Variants in KCNJ16 observed in about 807,000 individuals in gnomAD.
KCNJ16 encodes potassium inwardly rectifying channel subfamily J member 16.
A neutral mutation model predicts 18.5 loss-of-function variants in KCNJ16; 15 were observed. The observed-to-expected ratio is 0.81, with a 90% confidence interval of 0.54 to 1.25. The LOEUF (loss-of-function observed/expected upper bound fraction) is 1.25. Ranked by LOEUF, KCNJ16 falls within the 50% of genes most tolerant of loss-of-function variation. KCNJ16 has a pLI of 0.00. For missense variants in KCNJ16, 523 were observed against 525.7 expected (o/e 0.99, Z 0.05); for synonymous variants, 174 against 186.5 (o/e 0.93, Z 0.55).
At chr17:70,095,140 G>A (rs1187737785) in intron 1 of KCNJ16, among the ~76,000 whole-genome samples, 1 of 152,166 alleles carries the variant, frequency 6.6e-6, no homozygotes, top group Admixed American at 6.5e-5. Flanking sequence ...ATAAGTATTG[G>A]TGTGGGCTAT....
chr17:70,133,688 TAGAC>T lies in KCNJ16; in HGVS notation c.*346_*349del, dbSNP rs981715162. On this transcript the variant is annotated 3_prime_UTR_variant, in exon 4 of 4. Coordinates refer to ENST00000392671, the MANE Select transcript of KCNJ16 (RefSeq NM_170741.4). ...AGGCTGGAATAAATAAAAATAAAAA[TAGAC>T]AAGTAAGACAGCATAAATAATACAT... The T allele has an allele frequency of 4.0e-5, 8 of 202,332 alleles. No individual in the cohort carries two copies. The highest frequency in any genetic ancestry group is 7.8e-5 in the Non-Finnish European group (7 of 90,082). 12.5% of individuals were successfully genotyped at this position (202,332 alleles called of 1,614,324 possible). A position where few individuals can be genotyped will look rare whatever the true frequency, so the allele number is the denominator to read the frequency against.
rs553936445 is a variant in KCNJ16, at chr17:70,135,296, A to C, written c.*1952A>C. ...GTAAGTAGAAAACAGCCACCATGAC[A>C]ATAAACAAAAACACTTAAAAATATT... On this transcript the variant is annotated 3_prime_UTR_variant, in exon 4 of 4. Transcript: ENST00000392671. 2 of 167,046 alleles carry C rather than the reference A, an allele frequency of 1.2e-5. No individual in the cohort carries two copies. Among genetic ancestry groups the C allele is most frequent in the Non-Finnish European group, 2.9e-5 (2 of 68,042 alleles). 10.3% of individuals were successfully genotyped at this position (167,046 alleles called of 1,614,324 possible).
chr17:70,109,449 CT>C (rs1044784055), intron 2 of KCNJ16, among the ~76,000 whole-genome samples: 1 of 151,940 alleles, frequency 6.6e-6, no homozygotes, highest in Non-Finnish European at 1.5e-5. Flanking sequence ...GGATCTGTTA[CT>C]TTTTTTTGCC....
At chr17:70,085,542 G>A (rs2071758513) in intron 1 of KCNJ16, among the ~76,000 whole-genome samples, 1 of 152,110 alleles carries the variant, frequency 6.6e-6, no homozygotes, top group African/African-American at 2.4e-5. Context: ...GAGATGCTAA[G>A]TTATATTAAC....
chr17:70,089,627 G>A (rs977367782), intron 1 of KCNJ16, among the ~76,000 whole-genome samples: 2 of 152,118 alleles, frequency 1.3e-5, no homozygotes, highest in East Asian at 1.9e-4. Context: ...TCTATAACCC[G>A]AGGGCACTCT....
intron 1 of KCNJ16, among the ~76,000 whole-genome samples, chr17:70,095,486 T>C (rs1002363275): frequency 5.3e-5 from 8 of 152,178 alleles, no homozygotes; most frequent in Non-Finnish European, 1.2e-4. Context: ...TACCTCCAGC[T>C]TCCTCAGCCA....
intron 2 of KCNJ16, among the ~76,000 whole-genome samples, chr17:70,130,672 G>A (rs2074024944): frequency 6.6e-6 from 1 of 152,134 alleles, no homozygotes; most frequent in South Asian, 2.1e-4. Context: ...GAATTTCCCT[G>A]GTTAGTTCCA....
chr17:70,117,574 CA>C (rs138178514), intron 2 of KCNJ16, among the ~76,000 whole-genome samples: 1,668 of 152,238 alleles, frequency 0.011, 26 homozygotes, highest in African/African-American at 0.038. Context: ...GTATCTGCAA[CA>C]GGGAGATGTA....
At chr17:70,094,881 C>T (rs763278551) in intron 1 of KCNJ16, among the ~76,000 whole-genome samples, 7 of 152,132 alleles carry the variant, frequency 4.6e-5, no homozygotes, top group Non-Finnish European at 7.3e-5. Context: ...CTTGCAAGGC[C>T]GTAGAATTTG....
intron 1 of KCNJ16, among the ~76,000 whole-genome samples, chr17:70,075,978 T>C (rs951771375): frequency 7.5e-5 from 10 of 134,084 alleles, no homozygotes; most frequent in African/African-American, 2.8e-4. Flanking sequence ...TTTTTTTTTT[T>C]TCTTATCATT....
At chr17:70,116,481 T>C (rs1185602131) in intron 2 of KCNJ16, among the ~76,000 whole-genome samples, 1 of 152,220 alleles carries the variant, frequency 6.6e-6, no homozygotes, top group Non-Finnish European at 1.5e-5. Context: ...ACCAGATTCA[T>C]AGACTATTGT....
intron 2 of KCNJ16, among the ~76,000 whole-genome samples, chr17:70,108,814 C>A (rs1038820802): frequency 6.6e-6 from 1 of 152,084 alleles, no homozygotes; most frequent in Non-Finnish European, 1.5e-5. Flanking sequence ...TCTCCTTGCC[C>A]GTTTTTGCTA....
chr17:70,095,870 CT>C (rs147216245), intron 1 of KCNJ16, among the ~76,000 whole-genome samples: 2,116 of 95,312 alleles, frequency 0.022, 566 homozygotes, highest in South Asian at 0.044. Flanking sequence ...TTACTTAATC[CT>C]TTTTTTTTTT....
At chr17:70,127,845 C>T (rs1473707432) in intron 2 of KCNJ16, among the ~76,000 whole-genome samples, 2 of 152,210 alleles carry the variant, frequency 1.3e-5, no homozygotes, top group East Asian at 1.9e-4. Flanking sequence ...AGAAGGCACT[C>T]ATTACCTCAA....
intron 1 of KCNJ16, among the ~76,000 whole-genome samples, chr17:70,077,429 T>C (rs976094257): frequency 6.6e-6 from 1 of 152,166 alleles, no homozygotes; most frequent in Non-Finnish European, 1.5e-5. Flanking sequence ...GCTCCTCCAG[T>C]GTACCCAATG....
intron 3 of KCNJ16, among the ~76,000 whole-genome samples, chr17:70,131,697 A>T (rs2074062868): frequency 6.6e-6 from 1 of 152,222 alleles, no homozygotes; most frequent in African/African-American, 2.4e-5. Flanking sequence ...TACAAAAATA[A>T]AGCAGATTTT....
At chr17:70,103,937 C>CTTT (rs71149820) in intron 2 of KCNJ16, among the ~76,000 whole-genome samples, 28 of 131,992 alleles carry the variant, frequency 2.1e-4, no homozygotes, top group Non-Finnish European at 3.6e-4. Context: ...ATTTTATTAT[C>CTTT]TTTTTTTTTT....
intron 2 of KCNJ16, among the ~76,000 whole-genome samples, chr17:70,110,827 C>T (rs1177818508): frequency 2.0e-5 from 3 of 152,168 alleles, no homozygotes; most frequent in African/African-American, 7.2e-5. Context: ...AATTAGCTCT[C>T]ACTCAGAGCA....
intron 2 of KCNJ16, among the ~76,000 whole-genome samples, chr17:70,125,663 G>A (rs2073828321): frequency 6.6e-6 from 1 of 152,218 alleles, no homozygotes; most frequent in Non-Finnish European, 1.5e-5. Context: ...AGGTGCCGTG[G>A]CTCACGCCTG....
Sources: gnomAD v4.1 joint callset for allele counts (sites outside exome capture counted in the v4.1 genomes callset) on GRCh38, gnomAD v4.1.1 for gene constraint, MANE v1.5 for transcripts, NCBI Gene and HGNC (gene_info 2026-07-23, HGNC 2026-07-21) for gene names.